Variants in CPNE8 observed in about 807,000 individuals in gnomAD.
CPNE8 encodes the protein copine-8.
A neutral mutation model predicts 81.5 loss-of-function variants in CPNE8; 45 were observed. That is an observed-to-expected ratio of 0.55 (90% CI 0.44 to 0.71). The LOEUF is 0.71. Ranked by LOEUF, CPNE8 falls within the 30% of genes least tolerant of loss-of-function variation. The pLI, the probability that CPNE8 is intolerant of heterozygous loss-of-function variation, is 0.00. For synonymous variants in CPNE8, 252 were observed against 226.3 expected, an observed-to-expected ratio of 1.11 and a Z score of -1.02; for missense variants, 594 against 672.1, an observed-to-expected ratio of 0.88 and a Z score of 1.28.
chr12:38,812,127 C>CA (rs1158972834), intron 6 of CPNE8, among the ~76,000 whole-genome samples: 1 of 152,118 alleles, frequency 6.6e-6, no homozygotes, highest in African/African-American at 2.4e-5. Context: ...CTGGCAGAGA[C>CA]AAAGAAGATT....
intron 18 of CPNE8, among the ~76,000 whole-genome samples, chr12:38,674,346 A>C (rs1399597545): frequency 6.6e-6 from 1 of 152,190 alleles, no homozygotes; most frequent in African/African-American, 2.4e-5. Context: ...GGACTTCCAT[A>C]GGAGTCTGAG....
rs147346320 is a variant in CPNE8, at chr12:38,850,689, A to T, written c.187-2027T>A. ...TTGCCAGATCTCTCAGCAGCATGTG[A>T]CACAGCTGTCCACTCATTCTTTTTA... On this transcript the variant is annotated intron_variant, in intron 3 of 19. Coordinates refer to ENST00000331366, the MANE Select transcript of CPNE8 (RefSeq NM_153634.3). Among the ~76,000 whole-genome samples, 322 of 152,250 alleles carry T rather than the reference A, an allele frequency of 2.1e-3. 1 individual carries two copies. The highest frequency in any genetic ancestry group is 3.4e-3 in the Admixed American group (52 of 15,292).
chr12:38,686,376 T>C (rs948526869), intron 15 of CPNE8, among the ~76,000 whole-genome samples: 5 of 152,200 alleles, frequency 3.3e-5, no homozygotes, highest in African/African-American at 1.2e-4. Context: ...CAAGCTCTTA[T>C]TCTGGGGACA....
At chr12:38,808,866 T>G (rs2136981575) in intron 6 of CPNE8, among the ~76,000 whole-genome samples, 1 of 152,020 alleles carries the variant, frequency 6.6e-6, no homozygotes, top group Middle Eastern at 3.4e-3. Context: ...AAACAAATAT[T>G]TTATAGAATA....
At chr12:38,740,532 G>A (rs1374119947) in intron 10 of CPNE8, among the ~76,000 whole-genome samples, 2 of 152,246 alleles carry the variant, frequency 1.3e-5, no homozygotes, top group Admixed American at 6.5e-5. Flanking sequence ...CTGTGGGTTT[G>A]TCATAAATAG....
intron 3 of CPNE8, among the ~76,000 whole-genome samples, chr12:38,860,729 C>T (rs1565652085): frequency 6.6e-6 from 1 of 151,934 alleles, no homozygotes; most frequent in Non-Finnish European, 1.5e-5. Flanking sequence ...TTATGCTAAG[C>T]GAAATAAACC....
intron 1 of CPNE8, among the ~76,000 whole-genome samples, chr12:38,902,370 A>AAGAGAG (rs1206407615): frequency 2.5e-5 from 2 of 79,420 alleles, no homozygotes; most frequent in African/African-American, 1.4e-4. Context: ...GAAAGAAAGA[A>AAGAGAG]AGAAAGAAAG....
intron 7 of CPNE8, among the ~76,000 whole-genome samples, chr12:38,771,282 G>A (rs1043699005): frequency 2.7e-5 from 4 of 149,674 alleles, no homozygotes; most frequent in African/African-American, 7.4e-5. Flanking sequence ...ACAACACAGT[G>A]AGACCACATC....
chr12:38,680,859 A>G (rs1257441872), intron 16 of CPNE8, among the ~76,000 whole-genome samples: 2 of 152,022 alleles, frequency 1.3e-5, no homozygotes, highest in African/African-American at 4.8e-5. Context: ...TTTCCTAAAA[A>G]ATGAAAATTC....
chr12:38,855,634 G>A (rs1943718894), intron 3 of CPNE8, among the ~76,000 whole-genome samples: 1 of 152,068 alleles, frequency 6.6e-6, no homozygotes, highest in Non-Finnish European at 1.5e-5. Flanking sequence ...TAGACAGGAG[G>A]AATAAGTTTT....
intron 6 of CPNE8, among the ~76,000 whole-genome samples, chr12:38,790,617 C>G (rs1269085702): frequency 6.6e-6 from 1 of 151,542 alleles, no homozygotes; most frequent in Non-Finnish European, 1.5e-5. Context: ...TAGATTGTAA[C>G]ATAAAGGATA....
At chr12:38,784,594 G>T (rs935587341) in intron 6 of CPNE8, among the ~76,000 whole-genome samples, 1 of 152,058 alleles carries the variant, frequency 6.6e-6, no homozygotes, top group Non-Finnish European at 1.5e-5. Flanking sequence ...ACTCCCAAAG[G>T]TTAAGGATAA....
chr12:38,870,675 G>C (rs34204495), intron 3 of CPNE8, among the ~76,000 whole-genome samples: 36,337 of 151,986 alleles, frequency 0.24, 5,467 homozygotes, highest in Non-Finnish European at 0.33. Context: ...ATAGCATTAG[G>C]AGAAATACCT....
intron 6 of CPNE8, among the ~76,000 whole-genome samples, chr12:38,810,901 T>G (rs1942922138): frequency 6.6e-6 from 1 of 152,132 alleles, no homozygotes. Context: ...GATCAAATCC[T>G]TCTCATTCTT....
chr12:38,905,312 G>A lies in CPNE8; in HGVS notation c.98+125C>T, dbSNP rs1020458789. On this transcript the variant is annotated intron_variant, in intron 1 of 19. Transcript: ENST00000331366. ...GGGGTAACTCCAGCCCCACTACTGA[G>A]ATATTTCCCACTCATGGCGCAACTT... 3.6e-6 allele frequency: 4 copies of A among 1,110,446 alleles called. No homozygotes were observed. The African/African-American group carries it at 6.2e-5, about 17-fold the overall frequency. The allele number at this position is 1,110,446 out of a possible 1,614,324, so 68.8% of individuals were successfully genotyped here.
chr12:38,809,153 C>T (rs1266040933), intron 6 of CPNE8, among the ~76,000 whole-genome samples: 7 of 152,276 alleles, frequency 4.6e-5, no homozygotes, highest in Middle Eastern at 3.4e-3. Context: ...TAAAATAATG[C>T]TATCTCACAG....
intron 19 of CPNE8, among the ~76,000 whole-genome samples, chr12:38,656,804 A>C (rs986476961): frequency 6.6e-6 from 1 of 152,158 alleles, no homozygotes; most frequent in Non-Finnish European, 1.5e-5. Context: ...AGCTTAAAGG[A>C]TCCTCCGTAA....
intron 5 of CPNE8, 68 bp downstream of exon 5, chr12:38,839,848 T>A (rs1423054414): frequency 7.5e-7 from 1 of 1,329,558 alleles, no homozygotes; most frequent in East Asian, 2.6e-5. Context: ...AACTTTAATA[T>A]TAATAAGTCA....
At chr12:38,737,918 C>A (rs1325526377) in intron 10 of CPNE8, among the ~76,000 whole-genome samples, 1 of 152,176 alleles carries the variant, frequency 6.6e-6, no homozygotes, top group African/African-American at 2.4e-5. Flanking sequence ...GAGTCCACTG[C>A]TACACAAGGG....
Sources: gnomAD v4.1 joint callset for allele counts (sites outside exome capture counted in the v4.1 genomes callset) on GRCh38, gnomAD v4.1.1 for gene constraint, MANE v1.5 for transcripts, NCBI Gene and HGNC (gene_info 2026-07-23, HGNC 2026-07-21) for gene names.